The following GIGYF2 variants were observed in gnomAD, a reference collection of about 807,000 sequenced individuals.
GIGYF2 encodes GRB10 interacting GYF protein 2.
Under a neutral mutation model 208.1 loss-of-function variants are expected in GIGYF2, and 25 were observed. The observed-to-expected ratio is 0.12, with a 90% CI of 0.09 to 0.17. The LOEUF (loss-of-function observed/expected upper bound fraction) is 0.17. Ranked by LOEUF, GIGYF2 falls within the 10% of genes least tolerant of loss-of-function variation. GIGYF2 has a pLI of 1.00. For missense variants in GIGYF2, 1,302 were observed against 1,579.4 expected, an observed-to-expected ratio of 0.82 and a Z score of 2.98; for synonymous variants, 534 against 543.8, an observed-to-expected ratio of 0.98 and a Z score of 0.25.
At position 232,844,378 on chromosome 2, in the gene GIGYF2, C is replaced by G. The variant is rs1201889356; in HGVS notation, c.3109C>G (p.Leu1037Val). ...TCTTTTTCTTTAACAGCATTCCAAC[C>G]TGCACACCAGCATTGGGAATTCTGT... ...NRARNNTHSN[L>V]HTSIGNSVWG... The change falls in exon 25 of 29, where the codon CTG becomes GTG. Residue 1037 changes from leucine (L) to valine (V), a missense_variant. Coordinates refer to ENST00000373563, the MANE Select transcript of GIGYF2 (RefSeq NM_001103146.3). 1.2e-6 allele frequency: 2 copies of G among 1,613,182 alleles called. No individual in the cohort carries two copies. The highest frequency in any genetic ancestry group is 2.7e-5 in the African/African-American group (2 of 74,892).
chr2:232,810,595 T>G (rs570138427), intron 16 of GIGYF2: 1 of 154,018 alleles, frequency 6.5e-6, no homozygotes, highest in East Asian at 1.9e-4. Context: ...GCTCTCTATT[T>G]TTATATTTAT....
intron 5 of GIGYF2, among the ~76,000 whole-genome samples, chr2:232,754,354 G>A (rs940841587): frequency 6.6e-6 from 1 of 152,062 alleles, no homozygotes; most frequent in Non-Finnish European, 1.5e-5. Context: ...TTTTTTACAT[G>A]GGTAAGAAGT....
intron 8 of GIGYF2, among the ~76,000 whole-genome samples, chr2:232,762,503 A>G (rs777679415): frequency 2.0e-5 from 3 of 151,994 alleles, no homozygotes; most frequent in Non-Finnish European, 4.4e-5. Flanking sequence ...CACCCGCCTC[A>G]GCCTCCCAAA....
chr2:232,804,666 A>G (rs1331473006), intron 14 of GIGYF2, among the ~76,000 whole-genome samples: 1 of 151,668 alleles, frequency 6.6e-6, no homozygotes, highest in Non-Finnish European at 1.5e-5. Context: ...TAATTTTTGC[A>G]TTTTTTAGTA....
At chr2:232,746,121 T>G (rs958118928) in intron 3 of GIGYF2, among the ~76,000 whole-genome samples, 3 of 151,828 alleles carry the variant, frequency 2.0e-5, no homozygotes, top group African/African-American at 7.3e-5. Flanking sequence ...ACACGGGAGT[T>G]TGTCATCTGC....
rs2305137 is a variant in GIGYF2, at chr2:232,847,339, G to A, written c.3461-9G>A. 0.64 allele frequency: 1,022,603 copies of A among 1,606,238 alleles called. 330,907 individuals carry two copies. Among genetic ancestry groups the A allele is most frequent in the Admixed American group, 0.73 (43,593 of 59,972 alleles). On this transcript the variant is annotated splice_polypyrimidine_tract_variant and intron_variant, in intron 26 of 28. Transcript: ENST00000373563. ...TGTTACCCTTATCTTCTCCCCTCCC[G>A]TTTTGCAGTTCCCACATTTGTTTCT...
intron 8 of GIGYF2, chr2:232,768,867 C>A: frequency 6.9e-7 from 1 of 1,456,738 alleles, no homozygotes; most frequent in Non-Finnish European, 9.4e-7. Flanking sequence ...AATATCAATA[C>A]TTTTTCTGAA....
rs373790188 is a variant in GIGYF2, at chr2:232,845,768, A to G, written c.3342A>G (p.Lys1114=). ...GTGTGTCTAACCGGCAGAATAAGAA[A>G]GTAGAAGAAGAAGAAAAGTTGCTGA... The part of the protein sequence containing the change: ...SVGVSNRQNK[K]VEEEEKLLKL... The change falls in exon 26 of 29, where the codon AAA becomes AAG. Residue 1114 remains lysine, a synonymous_variant. Coordinates refer to ENST00000373563, the MANE Select transcript of GIGYF2 (RefSeq NM_001103146.3). 2 of 1,608,158 alleles carry G rather than the reference A, an allele frequency of 1.2e-6. No homozygotes were observed. The highest frequency in any genetic ancestry group is 2.7e-5 in the African/African-American group (2 of 74,824).
rs573594654 is a variant in GIGYF2 at position 232,814,134 on chromosome 2, C to CCT, written c.2108-1500_2108-1499dup. ...CTCCTGGCCTCAAGTGATCCGCCTG[C>CCT]CTCTGCCTCCCAAACTGCTAGGATT... On this transcript the variant is annotated intron_variant, in intron 18 of 28. Transcript: ENST00000373563. Among the ~76,000 whole-genome samples the CCT allele has an allele frequency of 2.7e-3, 411 of 152,152 alleles. 1 individual carries two copies. The highest frequency in any genetic ancestry group is 9.3e-3 in the African/African-American group (385 of 41,522).
At chr2:232,785,974 T>C (rs569367522) in intron 8 of GIGYF2, among the ~76,000 whole-genome samples, 13 of 152,374 alleles carry the variant, frequency 8.5e-5, no homozygotes, top group African/African-American at 3.1e-4. Context: ...TTCAACTATT[T>C]TGATGTGAGA....
chr2:232,725,397 C>G (rs1215106226), intron 2 of GIGYF2, among the ~76,000 whole-genome samples: 1 of 152,208 alleles, frequency 6.6e-6, no homozygotes, highest in Admixed American at 6.5e-5. Context: ...CCCTGTCCCC[C>G]TTTATCCTTA....
At chr2:232,775,289 G>A (rs1699463662) in intron 8 of GIGYF2, among the ~76,000 whole-genome samples, 2 of 151,892 alleles carry the variant, frequency 1.3e-5, no homozygotes, top group African/African-American at 4.8e-5. Context: ...TGTCATTTTG[G>A]GCAAACCACT....
chr2:232,797,531 A>C (rs1700261639), intron 14 of GIGYF2, among the ~76,000 whole-genome samples: 1 of 95,452 alleles, frequency 1.0e-5, no homozygotes, highest in African/African-American at 4.4e-5. Context: ...GTGTGTTTTA[A>C]CCAAATTTAT....
intron 2 of GIGYF2, among the ~76,000 whole-genome samples, chr2:232,722,216 G>T (rs188423211): frequency 1.5e-4 from 23 of 152,238 alleles, no homozygotes; most frequent in African/African-American, 5.5e-4. Context: ...CCTGAGACTG[G>T]GTAATTTATG....
chr2:232,714,627 G>A (rs1696592073), intron 2 of GIGYF2, among the ~76,000 whole-genome samples: 1 of 152,082 alleles, frequency 6.6e-6, no homozygotes, highest in Admixed American at 6.5e-5. Flanking sequence ...AACTGTTACT[G>A]TAATCAAGAT....
chr2:232,750,316 T>A (rs1698292318), intron 5 of GIGYF2, among the ~76,000 whole-genome samples: 1 of 152,228 alleles, frequency 6.6e-6, no homozygotes, highest in Non-Finnish European at 1.5e-5. Flanking sequence ...AAGGTCTTCC[T>A]GGCAGAGGGG....
At chr2:232,765,415 A>T (rs1010920819) in intron 8 of GIGYF2, 1 of 152,696 alleles carries the variant, frequency 6.5e-6, no homozygotes, top group South Asian at 2.1e-4. Context: ...ATTAGGAATG[A>T]TGCTTACCAT....
chr2:232,793,029 A>G (rs1700117869), intron 12 of GIGYF2, among the ~76,000 whole-genome samples: 1 of 152,214 alleles, frequency 6.6e-6, no homozygotes, highest in Middle Eastern at 3.2e-3. Flanking sequence ...CTCTGAACAC[A>G]TCTTGGAATA....
At chr2:232,719,982 A>G (rs933832641) in intron 2 of GIGYF2, among the ~76,000 whole-genome samples, 1 of 152,184 alleles carries the variant, frequency 6.6e-6, no homozygotes. Context: ...ATAGTTGTAC[A>G]TGTGCACAAC....
Sources: allele counts gnomAD v4.1 joint callset (sites outside exome capture counted in the v4.1 genomes callset), GRCh38; gene constraint gnomAD v4.1.1; transcripts MANE v1.5; gene names NCBI Gene and HGNC (gene_info 2026-07-23, HGNC 2026-07-21).